The following DNAJB4 variants were observed in gnomAD, a reference collection of about 807,000 sequenced individuals.
DNAJB4 encodes DnaJ heat shock protein family (Hsp40) member B4, also known as dnaJ homolog subfamily B member 4.
DNAJB4 carries 10 observed loss-of-function variants against 26.6 expected under a neutral mutation model. The observed-to-expected ratio is 0.38, with a 90% CI of 0.23 to 0.64. DNAJB4 has a LOEUF of 0.64. Ranked by LOEUF, DNAJB4 falls within the 30% of genes least tolerant of loss-of-function variation. DNAJB4 has a pLI of 0.58. For missense variants in DNAJB4, 328 were observed against 408.2 expected, an observed-to-expected ratio of 0.80 and a Z score of 1.69; for synonymous variants, 136 against 134.8, an observed-to-expected ratio of 1.01 and a Z score of -0.06.
At chr1:78,004,220 C>T (rs1660261729), upstream of DNAJB4, 1 of 152,122 alleles carries the variant, frequency 6.6e-6, no homozygotes, top group African/African-American at 2.4e-5. Context: ...GGACCTCATT[C>T]AGTTTTAGTT....
intron 1 of DNAJB4, among the ~76,000 whole-genome samples, chr1:77,997,526 A>G (rs1192456571): frequency 6.6e-6 from 1 of 151,790 alleles, no homozygotes; most frequent in Non-Finnish European, 1.5e-5. Context: ...ACTTCGAACA[A>G]TCTGACCGTA....
intron 1 of DNAJB4, among the ~76,000 whole-genome samples, chr1:77,984,913 AAC>A (rs966534191): frequency 6.6e-6 from 1 of 152,198 alleles, no homozygotes; most frequent in African/African-American, 2.4e-5. Flanking sequence ...AGGAAACCAT[AAC>A]ACAGATTGCT....
chr1:78,001,077 G>A (rs1229508326), upstream of DNAJB4, among the ~76,000 whole-genome samples: 1 of 152,076 alleles, frequency 6.6e-6, no homozygotes, highest in Non-Finnish European at 1.5e-5. Context: ...AAGCACCCTG[G>A]TTTATGCCTG....
chr1:78,005,681 C>T (rs1387818182), intron 1 of DNAJB4, among the ~76,000 whole-genome samples: 1 of 152,154 alleles, frequency 6.6e-6, no homozygotes, highest in African/African-American at 2.4e-5. Flanking sequence ...AAACCTGTTT[C>T]GTTTTCTAAT....
At chr1:77,987,905 A>C (rs1306706126) in intron 1 of DNAJB4, among the ~76,000 whole-genome samples, 1 of 148,694 alleles carries the variant, frequency 6.7e-6, no homozygotes, top group Non-Finnish European at 1.5e-5. Flanking sequence ...GTATATATGT[A>C]TATATATTTT....
intron 1 of DNAJB4, among the ~76,000 whole-genome samples, chr1:77,993,017 C>T (rs1198934272): frequency 1.3e-5 from 2 of 152,120 alleles, no homozygotes; most frequent in East Asian, 1.9e-4. Flanking sequence ...AGCCACCGCG[C>T]CCGGCCTATT....
Position 78,016,351 on chromosome 1 carries a change from C to A in DNAJB4, c.*104C>A. The stretch of plus-strand genomic sequence containing the variant: ...AATTCTGTATAAAGATGTGTAAATT[C>A]TTTTGAGGGTTCATTAAATTGCATG... On this transcript the variant is annotated 3_prime_UTR_variant, in exon 3 of 3. Transcript: ENST00000370763. 4 of 984,366 alleles carry A rather than the reference C, an allele frequency of 4.1e-6. No homozygotes were observed. The highest frequency in any genetic ancestry group is 5.9e-6 in the Non-Finnish European group (4 of 674,834). The allele number at this position is 984,366 out of a possible 1,614,324, so 61.0% of individuals were successfully genotyped here.
intron 1 of DNAJB4, among the ~76,000 whole-genome samples, chr1:77,985,117 GTCTACCTTT>G (rs1659761729): frequency 6.6e-6 from 1 of 152,158 alleles, no homozygotes; most frequent in African/African-American, 2.4e-5. Flanking sequence ...TAATCAGGAT[GTCTACCTTT>G]ACTGACAACA....
chr1:77,999,301 CTG>C (rs1310468188), intron 1 of DNAJB4, among the ~76,000 whole-genome samples: 1 of 152,100 alleles, frequency 6.6e-6, no homozygotes, highest in Non-Finnish European at 1.5e-5. Context: ...CATTATTAGA[CTG>C]TAGCTATAGA....
At chr1:78,006,996 T>C (rs1277507026) in intron 1 of DNAJB4, among the ~76,000 whole-genome samples, 4 of 152,230 alleles carry the variant, frequency 2.6e-5, no homozygotes, top group African/African-American at 9.6e-5. Flanking sequence ...TAAGGATATT[T>C]GTCTTCAGAA....
chr1:78,004,368 A>G (rs1660266847), upstream of DNAJB4: 1 of 152,226 alleles, frequency 6.6e-6, no homozygotes, highest in South Asian at 2.1e-4. Flanking sequence ...AAAATAACGC[A>G]TTTGAATTTT....
chr1:77,983,135 A>C (rs1042755102), intron 1 of DNAJB4, among the ~76,000 whole-genome samples: 4 of 152,184 alleles, frequency 2.6e-5, no homozygotes, highest in Admixed American at 6.5e-5. Context: ...CACGTGAACA[A>C]AGGTCTTTGC....
At chr1:78,015,316 C>T (rs1233477547) in intron 2 of DNAJB4, among the ~76,000 whole-genome samples, 1 of 152,076 alleles carries the variant, frequency 6.6e-6, no homozygotes, top group Non-Finnish European at 1.5e-5. Flanking sequence ...CTTTCTAGTC[C>T]TGAATTTCTC....
upstream of DNAJB4, among the ~76,000 whole-genome samples, chr1:78,002,974 C>G (rs1231293575): frequency 2.0e-5 from 3 of 151,978 alleles, no homozygotes; most frequent in Non-Finnish European, 4.4e-5. Context: ...TTTACTGTGT[C>G]AAGTTTTGAT....
intron 1 of DNAJB4, among the ~76,000 whole-genome samples, chr1:77,986,285 AC>A (rs1659787987): frequency 6.6e-6 from 1 of 152,196 alleles, no homozygotes; most frequent in Non-Finnish European, 1.5e-5. Flanking sequence ...AAATATTACT[AC>A]ATTAATCCTT....
chr1:77,985,129 TGACA>T (rs1659762200), intron 1 of DNAJB4, among the ~76,000 whole-genome samples: 1 of 152,186 alleles, frequency 6.6e-6, no homozygotes, highest in African/African-American at 2.4e-5. Flanking sequence ...CTACCTTTAC[TGACA>T]ACATTTACTG....
intron 1 of DNAJB4, among the ~76,000 whole-genome samples, chr1:78,006,354 A>G (rs1033583918): frequency 2.6e-5 from 4 of 152,190 alleles, no homozygotes; most frequent in African/African-American, 9.6e-5. Flanking sequence ...AACTTTTAAC[A>G]TCAGGACTAA....
chr1:78,009,336 CT>C (rs1660408416), intron 1 of DNAJB4, among the ~76,000 whole-genome samples: 1 of 152,044 alleles, frequency 6.6e-6, no homozygotes, highest in Admixed American at 6.6e-5. Flanking sequence ...CTTTTGGAAA[CT>C]TTTAGTCAAC....
chr1:78,007,308 G>A (rs889988046), intron 1 of DNAJB4, among the ~76,000 whole-genome samples: 7 of 152,112 alleles, frequency 4.6e-5, no homozygotes, highest in Admixed American at 2.6e-4. Context: ...TGGGCCAGGC[G>A]CCGTGGCTCA....
Sources: allele counts gnomAD v4.1 joint callset (sites outside exome capture counted in the v4.1 genomes callset), GRCh38; gene constraint gnomAD v4.1.1; transcripts MANE v1.5; gene names NCBI Gene and HGNC (gene_info 2026-07-23, HGNC 2026-07-21).